The following ATF7IP variants were observed in gnomAD, a reference collection of about 807,000 sequenced individuals.
ATF7IP encodes activating transcription factor 7-interacting protein 1.
A neutral mutation model predicts 106.4 loss-of-function variants in ATF7IP; 23 were observed. The observed-to-expected ratio is 0.22, with a 90% CI of 0.16 to 0.31. ATF7IP has a LOEUF of 0.31. Ranked by LOEUF, ATF7IP falls within the 10% of genes least tolerant of loss-of-function variation. ATF7IP has a pLI of 1.00. For synonymous variants in ATF7IP, 542 were observed against 539.0 expected, an observed-to-expected ratio of 1.01 and a Z score of -0.08; for missense variants, 1,334 against 1,524.3, an observed-to-expected ratio of 0.88 and a Z score of 2.08.
chr12:14,437,206 A>G (rs1942443678), intron 4 of ATF7IP, among the ~76,000 whole-genome samples: 1 of 152,190 alleles, frequency 6.6e-6, no homozygotes, highest in African/African-American at 2.4e-5. Context: ...TTTCTTAGAG[A>G]GGAATATTAA....
chr12:14,388,025 T>G (rs1417745761), intron 1 of ATF7IP, among the ~76,000 whole-genome samples: 2 of 151,196 alleles, frequency 1.3e-5, no homozygotes, highest in Non-Finnish European at 2.9e-5. Flanking sequence ...TTTTTTTTTT[T>G]TTTTTGAGAC....
At chr12:14,479,376 C>T (rs1944360540) in intron 12 of ATF7IP, among the ~76,000 whole-genome samples, 1 of 152,154 alleles carries the variant, frequency 6.6e-6, no homozygotes, top group African/African-American at 2.4e-5. Context: ...CAAGATTTAG[C>T]CTGTATCTCC....
At chr12:14,452,835 A>G (rs866046587) in intron 6 of ATF7IP, among the ~76,000 whole-genome samples, 1 of 152,064 alleles carries the variant, frequency 6.6e-6, no homozygotes, top group Non-Finnish European at 1.5e-5. Flanking sequence ...TCCATGATGC[A>G]TACACTCTTT....
chr12:14,381,788 T>G (rs2136412559), intron 1 of ATF7IP, among the ~76,000 whole-genome samples: 1 of 152,068 alleles, frequency 6.6e-6, no homozygotes, highest in South Asian at 2.1e-4. Flanking sequence ...GATTCTATAG[T>G]TTTCAATAAT....
rs1253438322 is a variant in ATF7IP at position 14,497,682 on chromosome 12, C to T, written c.3422C>T (p.Pro1141Leu). Residue 1141 changes from proline to leucine, a missense_variant, in exon 15 of 15, where the codon CCC (proline) becomes CTC (leucine). Coordinates refer to ENST00000261168, the MANE Select transcript of ATF7IP (RefSeq NM_018179.5). ...CCCCCACGCCCCGTGCACCCAGCAC[C>T]CTTACCAGAAGCTCCACAACCACAG... ...TEPPRPVHPAPLPEAPQPQRL... is the reference protein window; with the variant it reads ...TEPPRPVHPALLPEAPQPQRL... 2 of 1,613,998 alleles carry T rather than the reference C, an allele frequency of 1.2e-6. No individual in the cohort carries two copies.
At chr12:14,460,470 T>C (rs999084484) in intron 8 of ATF7IP, 25 bp from the exon 9 acceptor site, 16 of 1,581,664 alleles carry the variant, frequency 1.0e-5, no homozygotes, top group Non-Finnish European at 1.4e-5. Context: ...CCATTTAAAC[T>C]GAGGCTTCTG....
chr12:14,430,850 T>C (rs1052387076), intron 2 of ATF7IP, among the ~76,000 whole-genome samples: 2 of 152,216 alleles, frequency 1.3e-5, no homozygotes, highest in Middle Eastern at 3.2e-3. Flanking sequence ...CTTATTTGTT[T>C]ACATGTCACA....
At position 14,459,696 on chromosome 12, in the gene ATF7IP, G is replaced by T. The variant is rs144655609; in HGVS notation, c.2159-799G>T. 2.0e-5 allele frequency among the ~76,000 whole-genome samples: 3 copies of T among 152,328 alleles called. 1 individual carries two copies. In the East Asian group the frequency reaches 5.8e-4, roughly 29 times the overall value. On this transcript the variant is annotated intron_variant, in intron 8 of 14. Coordinates refer to ENST00000261168, the MANE Select transcript of ATF7IP (RefSeq NM_018179.5). Reference sequence around the variant, plus strand: ...CCGCTGGACCACACTTTGAGAAACTGCTGCTCTAGTGAACCTGTTATTTTT... The same window carrying T: ...CCGCTGGACCACACTTTGAGAAACTTCTGCTCTAGTGAACCTGTTATTTTT...
At chr12:14,397,053 T>G (rs545625467) in intron 1 of ATF7IP, among the ~76,000 whole-genome samples, 2 of 152,194 alleles carry the variant, frequency 1.3e-5, no homozygotes, top group African/African-American at 2.4e-5. Flanking sequence ...TTCCAGCTAC[T>G]TGGGAGGCTG....
intron 1 of ATF7IP, among the ~76,000 whole-genome samples, chr12:14,372,460 C>CA (rs11431179): frequency 0.44 from 53,344 of 121,222 alleles, 10,024 homozygotes; most frequent in Admixed American, 0.55. Context: ...AGCCACTTTT[C>CA]AAAAAAAAAA....
At chr12:14,489,104 C>G (rs1321442120) in intron 13 of ATF7IP, among the ~76,000 whole-genome samples, 2 of 152,186 alleles carry the variant, frequency 1.3e-5, no homozygotes, top group African/African-American at 4.8e-5. Flanking sequence ...CCCCATCCTT[C>G]ATTCCTGAGG....
Position 14,494,103 on chromosome 12 carries a change from G to A in ATF7IP, c.3281-2128G>A, listed in dbSNP as rs187037152. Among the ~76,000 whole-genome samples, 8 of 151,448 alleles carry A rather than the reference G, an allele frequency of 5.3e-5. No homozygotes were observed. The East Asian group carries it at 1.4e-3, about 26-fold the overall frequency. The stretch of plus-strand genomic sequence containing the variant: ...AAACAGTTCACACCAGGGACTATCA[G>A]TGTTCTCTATACTATTAGAATTAGA... On this transcript the variant is annotated intron_variant, in intron 13 of 14. Coordinates refer to ENST00000261168, the MANE Select transcript of ATF7IP (RefSeq NM_018179.5).
intron 1 of ATF7IP, among the ~76,000 whole-genome samples, chr12:14,373,877 CATT>C (rs1460616777): frequency 6.6e-6 from 1 of 151,848 alleles, no homozygotes; most frequent in Non-Finnish European, 1.5e-5. Flanking sequence ...CCGTTGAAAA[CATT>C]ATGATTAGTT....
chr12:14,422,615 C>T (rs1252926125), intron 1 of ATF7IP, among the ~76,000 whole-genome samples: 1 of 152,122 alleles, frequency 6.6e-6, no homozygotes, highest in Non-Finnish European at 1.5e-5. Context: ...TCTAGATTTG[C>T]CTACTCTGGA....
chr12:14,443,869 CAAT>C (rs1236047574), intron 5 of ATF7IP, among the ~76,000 whole-genome samples: 1 of 152,010 alleles, frequency 6.6e-6, no homozygotes, highest in African/African-American at 2.4e-5. Context: ...CTTATATCAA[CAAT>C]AACCAATTAG....
At position 14,501,193 on chromosome 12, in the gene ATF7IP, T is replaced by G. The variant is rs566090577; in HGVS notation, c.*3120T>G. 1 of 152,338 alleles carries G rather than the reference T, an allele frequency of 6.6e-6. No individual in the cohort carries two copies. The highest frequency in any genetic ancestry group is 6.5e-5 in the Admixed American group (1 of 15,298). 9.4% of individuals were successfully genotyped at this position (152,338 alleles called of 1,614,324 possible). A position where few individuals can be genotyped will look rare whatever the true frequency, so the allele number is the denominator to read the frequency against. On this transcript the variant is annotated 3_prime_UTR_variant, in exon 15 of 15. Transcript: ENST00000261168. ...CAGTTTCCACTCCACGGTTACCTTT[T>G]TAGTTTCATAGTATCTTTTCACAAA...
rs146455314 is a variant in ATF7IP at position 14,454,423 on chromosome 12, A to G, written c.1996-2138A>G. Reference sequence around the variant, plus strand: ...CAGGCATCCGAAGTGCCATAGTCACAGTTCTTGCTCCAGATTAGTCCTCCA... The same window carrying G: ...CAGGCATCCGAAGTGCCATAGTCACGGTTCTTGCTCCAGATTAGTCCTCCA... On this transcript the variant is annotated intron_variant, in intron 6 of 14. Coordinates refer to ENST00000261168, the MANE Select transcript of ATF7IP (RefSeq NM_018179.5). 1.1e-3 allele frequency among the ~76,000 whole-genome samples: 172 copies of G among 152,328 alleles called. 2 individuals are homozygous for G. The East Asian group carries it at 0.027, about 24-fold the overall frequency.
At chr12:14,388,434 C>T (rs1184060738) in intron 1 of ATF7IP, among the ~76,000 whole-genome samples, 1 of 151,694 alleles carries the variant, frequency 6.6e-6, no homozygotes, top group Non-Finnish European at 1.5e-5. Flanking sequence ...GCAACCTCCG[C>T]CTCCCAGGTT....
At chr12:14,402,020 A>G (rs1384301683) in intron 1 of ATF7IP, among the ~76,000 whole-genome samples, 1 of 150,670 alleles carries the variant, frequency 6.6e-6, no homozygotes, top group Non-Finnish European at 1.5e-5. Flanking sequence ...CCTCAGAGTA[A>G]GTTTTAAAAG....
Sources: gnomAD v4.1 joint callset for allele counts (sites outside exome capture counted in the v4.1 genomes callset) on GRCh38, gnomAD v4.1.1 for gene constraint, MANE v1.5 for transcripts, NCBI Gene and HGNC (gene_info 2026-07-23, HGNC 2026-07-21) for gene names.